PZP: variants seen among roughly 807,000 people sequenced by gnomAD.
PZP encodes pregnancy zone protein.
In PZP, 150 loss-of-function variants were observed where a neutral mutation model predicts 179.8. That is an observed-to-expected ratio of 0.83 (90% CI 0.73 to 0.96). PZP has a LOEUF of 0.96. Among genes scored for constraint, PZP ranks in the 40% least tolerant of loss-of-function variants. PZP has a pLI of 0.00. For missense variants in PZP, 1,689 were observed against 1,764.0 expected (o/e 0.96, Z 0.76); for synonymous variants, 624 against 652.3 (o/e 0.96, Z 0.66).
At chr12:9,197,452 TA>T (rs1288046846) in intron 7 of PZP, among the ~76,000 whole-genome samples, 1 of 133,004 alleles carries the variant, frequency 7.5e-6, no homozygotes, top group Non-Finnish European at 1.5e-5. Context: ...TACTGCTTAA[TA>T]ATATATAATA....
downstream of PZP, among the ~76,000 whole-genome samples, chr12:9,144,894 G>A (rs747523654): frequency 9.2e-5 from 14 of 152,308 alleles, no homozygotes; most frequent in African/African-American, 2.6e-4. Context: ...TCATGCTGAC[G>A]TTAGCCATTA....
At chr12:9,169,015 T>G (rs1340528494) in intron 16 of PZP, 41 bp from the exon 17 acceptor site, 1 of 1,390,940 alleles carries the variant, frequency 7.2e-7, no homozygotes, top group African/African-American at 1.4e-5. Context: ...TAAGCTTGAT[T>G]AGAATATATA....
chr12:9,164,020 T>A (rs1941406175), intron 20 of PZP, 113 bp downstream of exon 20: 1 of 1,397,366 alleles, frequency 7.2e-7, no homozygotes. Flanking sequence ...GAAAAAAAAC[T>A]AACTTTATAG....
At chr12:9,149,262 G>A (rs1358520465) in intron 35 of PZP, among the ~76,000 whole-genome samples, 3 of 152,238 alleles carry the variant, frequency 2.0e-5, no homozygotes, top group Non-Finnish European at 4.4e-5. Flanking sequence ...TTTTAGGTGT[G>A]TGATTAGTTG....
intron 32 of PZP, 106 bp from the exon 33 acceptor site, chr12:9,151,778 G>T: frequency 2.4e-6 from 2 of 848,328 alleles, no homozygotes; most frequent in Admixed American, 2.4e-5. Flanking sequence ...TCTCTGAAGA[G>T]AAGAAAGCTA....
rs1942719632 is a variant in PZP at position 9,180,926 on chromosome 12, C to G, written c.1839+57G>C. 6.4e-6 allele frequency: 10 copies of G among 1,554,902 alleles called. No individual in the cohort carries two copies. The African/African-American group carries it at 1.2e-4, about 19-fold the overall frequency. On this transcript the variant is annotated intron_variant, in intron 15 of 35. Transcript: ENST00000261336. The stretch of plus-strand genomic sequence containing the variant: ...TCTGACAAAGGGCTAATAGAGGCTT[C>G]TTGATCTGAGCCTCTGGAATGGCCC...
At chr12:9,192,156 T>G (rs1943491980) in intron 13 of PZP, 37 bp downstream of exon 13, 1 of 1,564,098 alleles carries the variant, frequency 6.4e-7, no homozygotes. Flanking sequence ...AAGGATGTGT[T>G]AGGGGAGCAA....
chr12:9,154,728 G>A lies in PZP; in HGVS notation c.3662C>T (p.Ala1221Val), dbSNP rs1940618975. 1 of 1,614,028 alleles carries A rather than the reference G, an allele frequency of 6.2e-7. No individual in the cohort carries two copies. The highest frequency in any genetic ancestry group is 1.7e-5 in the Admixed American group (1 of 60,000). ...EVEMTSYVLLAYLTAQPAPTS... is the reference protein window; with the variant it reads ...EVEMTSYVLLVYLTAQPAPTS... ...GGGGGCTGGCTGGGCCGTGAGATAA[G>A]CGAGGAGCACATAGGATGTCATCTC... The change falls in exon 29 of 36, where the codon GCT becomes GTT. Residue 1221 changes from alanine to valine, a missense_variant. Ala to Val is a moderately conservative substitution (Grantham distance 64). Around this residue, in one of 3 missense-constraint regions of PZP, gnomAD observed 746 missense variants for 749.2 expected, o/e 1.00. Transcript: ENST00000261336.
chr12:9,158,508 A>G lies in PZP; in HGVS notation c.3206T>C (p.Ile1069Thr), dbSNP rs1940925523. The G allele has an allele frequency of 1.2e-6, 2 of 1,614,026 alleles. No homozygotes were observed. The highest frequency in any genetic ancestry group is 2.7e-5 in the African/African-American group (2 of 74,902). ...RSYIFIDEAHITQSLTWLSQM... is the reference protein window; with the variant it reads ...RSYIFIDEAHTTQSLTWLSQM... ...GGAGAGCCACGTGAGAGATTGGGTA[A>G]TGTGTGCTTCATCAATGAAGATGTA... is the stretch of plus-strand genomic sequence containing the variant. The change falls in exon 26 of 36, where the codon ATT (isoleucine) becomes ACT (threonine). Residue 1069 changes from isoleucine to threonine, a missense_variant. Ile to Thr is a moderately conservative substitution (Grantham distance 89, BLOSUM62 -1). This residue lies in a region of PZP where 746 missense variants were observed against 749.2 expected (regional missense o/e 1.00). Transcript: ENST00000261336.
Position 9,196,671 on chromosome 12 carries a change from G to T in PZP, c.882C>A (p.Gly294=), listed in dbSNP as rs777613704. The change falls in exon 9 of 36, where the codon GGC becomes GGA. Residue 294 remains glycine, a synonymous_variant. Coordinates refer to ENST00000261336, the MANE Select transcript of PZP (RefSeq NM_002864.3). The part of the protein sequence containing the change: ...EEFSQQLNSN[G]CITQQVHTKM... ...TGGTGTGTACTTGTTGGGTGATGCA[G>T]CCATTGCTGTTAAGCTGAGAAAAAT... The T allele has an allele frequency of 6.2e-7, 1 of 1,609,964 alleles. No individual in the cohort carries two copies. Among genetic ancestry groups the T allele is most frequent in the South Asian group, 1.1e-5 (1 of 90,986 alleles).
intron 15 of PZP, among the ~76,000 whole-genome samples, chr12:9,173,198 T>C (rs934433004): frequency 9.9e-5 from 15 of 152,270 alleles, no homozygotes; most frequent in African/African-American, 3.6e-4. Flanking sequence ...TATATGGAAA[T>C]TGAATAAACT....
At chr12:9,158,971 G>C (rs1399041035) in intron 25 of PZP, among the ~76,000 whole-genome samples, 1 of 151,864 alleles carries the variant, frequency 6.6e-6, no homozygotes, top group Admixed American at 6.6e-5. Context: ...ACTCTAATCA[G>C]CTAACTTCTA....
chr12:9,203,678 G>T, intron 2 of PZP, 90 bp downstream of exon 2: 1 of 1,452,032 alleles, frequency 6.9e-7, no homozygotes, highest in Non-Finnish European at 9.5e-7. Context: ...TCATACCTTG[G>T]GATCGCACAC....
downstream of PZP, among the ~76,000 whole-genome samples, chr12:9,148,612 A>C (rs1940133401): frequency 6.6e-6 from 1 of 152,134 alleles, no homozygotes; most frequent in Non-Finnish European, 1.5e-5. Context: ...CTTCCAGTCC[A>C]GTTATATTAC....
At chr12:9,164,824 C>G (rs1941471873) in intron 19 of PZP, among the ~76,000 whole-genome samples, 1 of 152,168 alleles carries the variant, frequency 6.6e-6, no homozygotes. Flanking sequence ...TCTCGTGGAA[C>G]TGAGAAAGCT....
intron 16 of PZP, 90 bp from the exon 17 acceptor site, chr12:9,169,064 G>T: frequency 1.1e-6 from 1 of 902,548 alleles, no homozygotes; most frequent in Non-Finnish European, 1.8e-6. Flanking sequence ...TGTAATTCCA[G>T]TATCCTTATA....
chr12:9,206,322 T>A (rs972128063), intron 1 of PZP, among the ~76,000 whole-genome samples: 1 of 151,978 alleles, frequency 6.6e-6, no homozygotes. Flanking sequence ...CGATTAAAAA[T>A]TAATTCCACA....
intron 10 of PZP, among the ~76,000 whole-genome samples, chr12:9,195,143 A>G (rs761383803): frequency 1.3e-4 from 20 of 152,326 alleles, no homozygotes; most frequent in South Asian, 4.1e-4. Flanking sequence ...GAATATCTCA[A>G]TTATGCTGAT....
chr12:9,155,629 G>C (rs1940698352), intron 28 of PZP, among the ~76,000 whole-genome samples: 2 of 152,090 alleles, frequency 1.3e-5, no homozygotes, highest in African/African-American at 4.8e-5. Flanking sequence ...CTACAAGATA[G>C]ATTGAGTTTA....
Sources: gnomAD v4.1 joint callset for allele counts (sites outside exome capture counted in the v4.1 genomes callset) on GRCh38, gnomAD v4.1.1 for gene constraint, gnomAD v4.1.1 regional missense constraint, MANE v1.5 for transcripts, NCBI Gene and HGNC (gene_info 2026-07-23, HGNC 2026-07-21) for gene names.